Variants in GAS6 observed in about 807,000 individuals in gnomAD.
GAS6 encodes the protein growth arrest specific 6.
A neutral mutation model predicts 75.8 loss-of-function variants in GAS6; 41 were observed. The observed-to-expected ratio is 0.54, with a 90% CI of 0.42 to 0.70. The LOEUF (loss-of-function observed/expected upper bound fraction) is 0.70, where lower values mean the gene tolerates loss of function less well. Among genes scored for constraint, GAS6 ranks in the 30% least tolerant of loss-of-function variants. The pLI is 0.00. For synonymous variants in GAS6, 432 were observed against 412.6 expected, an observed-to-expected ratio of 1.05 and a Z score of -0.57; for missense variants, 854 against 940.2, an observed-to-expected ratio of 0.91 and a Z score of 1.20.
intron 11 of GAS6, 65 bp from the exon 12 acceptor site, chr13:113,827,229 T>C: frequency 1.3e-6 from 2 of 1,558,998 alleles, no homozygotes; most frequent in Non-Finnish European, 1.8e-6. Flanking sequence ...GATGCCCCAG[T>C]CGGTGGGTGG....
chr13:113,833,760 G>A, intron 8 of GAS6: 5 of 1,014,778 alleles, frequency 4.9e-6, no homozygotes, highest in Non-Finnish European at 5.9e-6. Flanking sequence ...TGTTGTGACA[G>A]GTCGGTGTGA....
chr13:113,823,842 G>T (rs2051494310), intron 12 of GAS6, among the ~76,000 whole-genome samples: 1 of 152,198 alleles, frequency 6.6e-6, no homozygotes, highest in Admixed American at 6.5e-5. Context: ...CACAGGCTGT[G>T]CACCATGGGA....
intron 2 of GAS6, among the ~76,000 whole-genome samples, chr13:113,852,004 G>A (rs961380812): frequency 3.9e-5 from 6 of 152,306 alleles, no homozygotes; most frequent in South Asian, 2.1e-4. Context: ...TGCTGTTCCC[G>A]GCAGGGACGA....
At chr13:113,852,518 TA>T (rs1261750180) in intron 2 of GAS6, among the ~76,000 whole-genome samples, 1 of 152,124 alleles carries the variant, frequency 6.6e-6, no homozygotes, top group Non-Finnish European at 1.5e-5. Flanking sequence ...CCAAATTTGT[TA>T]TAAAACTACA....
At chr13:113,824,456 T>TGAGCTGTCAGGATCATGTG (rs2051508782) in intron 12 of GAS6, among the ~76,000 whole-genome samples, 1 of 152,038 alleles carries the variant, frequency 6.6e-6, no homozygotes, top group African/African-American at 2.4e-5. Flanking sequence ...ATGTGTGGTC[T>TGAGCTGTCAGGATCATGTG]CCCAGGGAGA....
intron 10 of GAS6, among the ~76,000 whole-genome samples, chr13:113,829,256 C>G (rs1425707923): frequency 1.4e-5 from 2 of 146,972 alleles, no homozygotes; most frequent in East Asian, 4.1e-4. Context: ...ATGATCCTCA[C>G]CTGGGCCAAG....
intron 4 of GAS6, chr13:113,842,146 GTTTCCTCC>G (rs1210101193): frequency 1.3e-4 from 17 of 130,188 alleles, no homozygotes; most frequent in African/African-American, 6.7e-4. Flanking sequence ...GTATGCTTCA[GTTTCCTCC>G]ATACACCTCA....
intron 2 of GAS6, among the ~76,000 whole-genome samples, chr13:113,852,425 G>A (rs1476359372): frequency 6.6e-6 from 1 of 152,204 alleles, no homozygotes; most frequent in East Asian, 1.9e-4. Context: ...TCGTAAGCAT[G>A]GAGGAAACTG....
At chr13:113,822,251 C>CT in intron 13 of GAS6, 65 bp from the exon 14 acceptor site, 5 of 1,270,990 alleles carry the variant, frequency 3.9e-6, no homozygotes, top group Non-Finnish European at 4.3e-6. Flanking sequence ...TAGGTCCAAG[C>CT]TGGTCCTCAC....
intron 2 of GAS6, among the ~76,000 whole-genome samples, chr13:113,851,318 A>AGTGAATGAATGAGTGGGTGGATGG: frequency 6.6e-6 from 1 of 150,814 alleles, no homozygotes; most frequent in African/African-American, 2.4e-5. Flanking sequence ...TGGCCAGATG[A>AGTGAATGAATGAGTGGGTGGATGG]GTGAATGAAT....
intron 3 of GAS6, chr13:113,846,941 C>G: frequency 6.4e-6 from 3 of 471,344 alleles, no homozygotes; most frequent in Non-Finnish European, 1.3e-5. Context: ...CCAGTGGACC[C>G]CCATTGGGAA....
rs755446922 is a variant in GAS6 at position 113,823,497 on chromosome 13, C to T, written c.1531G>A (p.Ala511Thr). The T allele has an allele frequency of 1.2e-6, 2 of 1,612,740 alleles. No individual in the cohort carries two copies. Among genetic ancestry groups the T allele is most frequent in the South Asian group, 1.1e-5 (1 of 91,058 alleles). Residue 511 changes from alanine to threonine, a missense_variant, in exon 13 of 15, where the codon GCT (alanine) becomes ACT (threonine). Physicochemically the swap from Ala to Thr is moderately conservative, Grantham distance 58. Transcript: ENST00000327773. ...TESTWEVEVV[A>T]HIRPAADTGV... ...GTGTCTGCGGCTGGGCGGATGTGAGCCACGACTTCTACTTCCCAGGTTGAT... is the reference window on the plus strand; with the variant it reads ...GTGTCTGCGGCTGGGCGGATGTGAGTCACGACTTCTACTTCCCAGGTTGAT...
chr13:113,851,210 G>A (rs1261233937), intron 2 of GAS6, among the ~76,000 whole-genome samples: 1 of 151,178 alleles, frequency 6.6e-6, no homozygotes, highest in African/African-American at 2.4e-5. Flanking sequence ...TAGATAGATG[G>A]GTGAGTGGAT....
intron 2 of GAS6, among the ~76,000 whole-genome samples, chr13:113,858,918 T>C (rs959195928): frequency 1.1e-4 from 17 of 151,814 alleles, no homozygotes; most frequent in Non-Finnish European, 1.9e-4. Context: ...TGTGTACATG[T>C]CTGTTAGTAT....
At chr13:113,825,110 C>A (rs938957879) in intron 12 of GAS6, among the ~76,000 whole-genome samples, 1 of 151,580 alleles carries the variant, frequency 6.6e-6, no homozygotes, top group South Asian at 2.1e-4. Context: ...CCCATCTACT[C>A]GGGAGGCTGA....
At chr13:113,825,510 T>C (rs12859529) in intron 12 of GAS6, among the ~76,000 whole-genome samples, 22,307 of 152,142 alleles carry the variant, frequency 0.15, 1,766 homozygotes, top group Middle Eastern at 0.26. Context: ...TCACTGGAAA[T>C]GCATGGAGCT....
At position 113,842,731 on chromosome 13, in the gene GAS6, G is replaced by A. The variant is rs2051799431; in HGVS notation, c.344-2881C>T. The stretch of plus-strand genomic sequence containing the variant: ...TGACCTCCTCAGAGGCCCCCACCAT[G>A]GAGGGATGTCTGGGGGATGCTGTGC... On this transcript the variant is annotated intron_variant, in intron 4 of 14. Transcript: ENST00000327773. 3 of 397,122 alleles carry A rather than the reference G, an allele frequency of 7.6e-6. No individual in the cohort carries two copies. In the East Asian group the frequency reaches 1.1e-4, roughly 14 times the overall value. The allele number at this position is 397,122 out of a possible 1,614,324, so 24.6% of individuals were successfully genotyped here.
At chr13:113,840,141 C>T in intron 4 of GAS6, 1 of 406,954 alleles carries the variant, frequency 2.5e-6, no homozygotes, top group Non-Finnish European at 4.4e-6. Context: ...GCAGGAACTG[C>T]CTGGCGTGAG....
intron 6 of GAS6, chr13:113,836,150 G>A: frequency 1.4e-6 from 1 of 729,048 alleles, no homozygotes; most frequent in Non-Finnish European, 1.6e-6. Context: ...ACCCTGAAAT[G>A]AAGAGCCCTT....
Sources: allele counts gnomAD v4.1 joint callset (sites outside exome capture counted in the v4.1 genomes callset), GRCh38; gene constraint gnomAD v4.1.1; transcripts MANE v1.5; gene names NCBI Gene and HGNC (gene_info 2026-07-23, HGNC 2026-07-21).